The following GRIK2 variants were observed in gnomAD, a reference collection of about 807,000 sequenced individuals.
GRIK2 encodes glutamate ionotropic receptor kainate type subunit 2, also known as glutamate receptor ionotropic, kainate 2.
GRIK2 carries 32 observed loss-of-function variants against 100.3 expected under a neutral mutation model. The ratio of observed to expected loss-of-function variants is 0.32; its 90% CI spans 0.24 to 0.43. The LOEUF (loss-of-function observed/expected upper bound fraction) is 0.43. GRIK2 is among the 20% of genes least tolerant of loss of function. The probability of loss-of-function intolerance (pLI) is 1.00; values close to 1 mark genes in which losing one functional copy is unlikely to be tolerated. For missense variants in GRIK2, 843 were observed against 1,114.9 expected (o/e 0.76, Z 3.47); for synonymous variants, 417 against 389.4 (o/e 1.07, Z -0.83).
chr6:101,609,416 C>T (rs1338944224), intron 2 of GRIK2, among the ~76,000 whole-genome samples: 2 of 151,768 alleles, frequency 1.3e-5, no homozygotes, highest in Non-Finnish European at 2.9e-5. Context: ...ATTCCACAGA[C>T]TGTTCTAATT....
At chr6:101,468,134 G>A (rs1209112700) in intron 2 of GRIK2, among the ~76,000 whole-genome samples, 2 of 151,950 alleles carry the variant, frequency 1.3e-5, no homozygotes, top group Non-Finnish European at 2.9e-5. Context: ...TTTTGCCAAG[G>A]GACTGCCCAG....
chr6:101,455,578 C>T (rs1405930175), intron 2 of GRIK2, among the ~76,000 whole-genome samples: 1 of 151,746 alleles, frequency 6.6e-6, no homozygotes, highest in Non-Finnish European at 1.5e-5. Context: ...AAATATACTT[C>T]CCAAGTTAAT....
chr6:101,510,556 A>G (rs1178144132), intron 2 of GRIK2, among the ~76,000 whole-genome samples: 1 of 116,430 alleles, frequency 8.6e-6, no homozygotes, highest in East Asian at 2.9e-4. Flanking sequence ...TGAGTCTCAC[A>G]CTGTAGGCTG....
chr6:101,917,935 A>G (rs1789227832), intron 12 of GRIK2, among the ~76,000 whole-genome samples: 1 of 151,618 alleles, frequency 6.6e-6, no homozygotes, highest in Non-Finnish European at 1.5e-5. Flanking sequence ...TCGTACTAGA[A>G]TGTTTGTTTA....
At chr6:101,745,849 A>G (rs189020124) in intron 7 of GRIK2, among the ~76,000 whole-genome samples, 3 of 152,322 alleles carry the variant, frequency 2.0e-5, no homozygotes, top group African/African-American at 4.8e-5. Flanking sequence ...ATTTCACCAT[A>G]TGAGAATCTT....
At chr6:101,842,822 A>C (rs1783595706) in intron 10 of GRIK2, among the ~76,000 whole-genome samples, 1 of 152,162 alleles carries the variant, frequency 6.6e-6, no homozygotes, top group Non-Finnish European at 1.5e-5. Context: ...TTTGAGTGGG[A>C]TGTGGGTAGA....
At chr6:101,771,914 T>G (rs1394474464) in intron 7 of GRIK2, among the ~76,000 whole-genome samples, 1 of 152,156 alleles carries the variant, frequency 6.6e-6, no homozygotes, top group African/African-American at 2.4e-5. Flanking sequence ...GTGCCACATT[T>G]TCTTAATCCC....
At chr6:101,495,683 A>G (rs577240803) in intron 2 of GRIK2, among the ~76,000 whole-genome samples, 15 of 152,274 alleles carry the variant, frequency 9.9e-5, no homozygotes, top group African/African-American at 3.6e-4. Flanking sequence ...AAATGTTATA[A>G]ATGTTTTTAA....
intron 6 of GRIK2, among the ~76,000 whole-genome samples, chr6:101,685,701 C>A (rs1048532344): frequency 7.2e-5 from 11 of 152,004 alleles, no homozygotes; most frequent in Non-Finnish European, 1.5e-4. Flanking sequence ...TTTTTTCACA[C>A]CTTTCATACA....
intron 7 of GRIK2, among the ~76,000 whole-genome samples, chr6:101,719,138 G>GTTTTTTTTTT (rs60301711): frequency 1.8e-4 from 18 of 101,138 alleles, no homozygotes; most frequent in African/African-American, 8.9e-4. Flanking sequence ...GGCTGCAAGG[G>GTTTTTTTTTT]TTTTTTTTTT....
chr6:102,011,150 G>T (rs532692834), intron 14 of GRIK2, among the ~76,000 whole-genome samples: 1 of 152,252 alleles, frequency 6.6e-6, no homozygotes, highest in South Asian at 2.1e-4. Context: ...GCACCATTTT[G>T]CATTCCCACT....
chr6:102,040,819 A>G (rs1770526146), intron 15 of GRIK2, among the ~76,000 whole-genome samples: 1 of 151,690 alleles, frequency 6.6e-6, no homozygotes, highest in African/African-American at 2.4e-5. Context: ...ACTGAAGTGA[A>G]TGAATACATT....
intron 8 of GRIK2, 78 bp downstream of exon 8, chr6:101,799,869 G>T: frequency 8.7e-7 from 1 of 1,150,748 alleles, no homozygotes; most frequent in Non-Finnish European, 1.3e-6. Context: ...GGTTTTTCTA[G>T]CAAGTGTCCT....
At chr6:101,469,844 C>A (rs1469094345) in intron 2 of GRIK2, among the ~76,000 whole-genome samples, 1 of 152,150 alleles carries the variant, frequency 6.6e-6, no homozygotes, top group Admixed American at 6.5e-5. Flanking sequence ...GGGATTTAAT[C>A]TTCATCTAAA....
At chr6:101,857,879 C>T (rs1784511423) in intron 10 of GRIK2, among the ~76,000 whole-genome samples, 2 of 152,158 alleles carry the variant, frequency 1.3e-5, no homozygotes, top group African/African-American at 4.8e-5. Context: ...TCTTGTTCAA[C>T]CAACTCACTC....
chr6:101,721,743 T>A (rs2128365763), intron 7 of GRIK2, among the ~76,000 whole-genome samples: 1 of 152,216 alleles, frequency 6.6e-6, no homozygotes, highest in African/African-American at 2.4e-5. Flanking sequence ...TTGTTTGCAT[T>A]TCATGCCTTT....
chr6:101,835,593 C>T (rs1429410941), intron 10 of GRIK2, among the ~76,000 whole-genome samples: 2 of 150,476 alleles, frequency 1.3e-5, no homozygotes, highest in African/African-American at 2.4e-5. Context: ...GCCTCAGCCC[C>T]CCGAGCAGCT....
intron 14 of GRIK2, among the ~76,000 whole-genome samples, chr6:101,965,351 G>C (rs1185615367): frequency 6.6e-6 from 1 of 151,978 alleles, no homozygotes; most frequent in Non-Finnish European, 1.5e-5. Context: ...GCTCATAAAA[G>C]CTATCCAATA....
chr6:101,718,659 G>A (rs1774235357), intron 7 of GRIK2, among the ~76,000 whole-genome samples: 1 of 151,848 alleles, frequency 6.6e-6, no homozygotes, highest in African/African-American at 2.4e-5. Flanking sequence ...CTGCCAATAT[G>A]TCAAGGATTC....
Sources: gnomAD v4.1 joint callset for allele counts (sites outside exome capture counted in the v4.1 genomes callset) on GRCh38, gnomAD v4.1.1 for gene constraint, MANE v1.5 for transcripts, NCBI Gene and HGNC (gene_info 2026-07-23, HGNC 2026-07-21) for gene names.